Variants in PCDH11X observed in about 807,000 individuals in gnomAD.
PCDH11X encodes the protein protocadherin-11 X-linked.
In PCDH11X, 18 loss-of-function variants were observed where a neutral mutation model predicts 53.3. That is an observed-to-expected ratio of 0.34 (90% CI 0.23 to 0.50). PCDH11X has a LOEUF of 0.50. Ranked by LOEUF, PCDH11X falls within the 20% of genes least tolerant of loss-of-function variation. The probability of loss-of-function intolerance (pLI) is 0.98; values close to 1 mark genes in which losing one functional copy is unlikely to be tolerated. For missense variants in PCDH11X, 570 were observed against 1,032.4 expected, an observed-to-expected ratio of 0.55 and a Z score of 6.14; for synonymous variants, 279 against 393.3, an observed-to-expected ratio of 0.71 and a Z score of 3.44.
chrX:92,399,187 C>T (rs189211248), intron 9 of PCDH11X, among the ~76,000 whole-genome samples: 38,704 of 81,795 alleles, frequency 0.47, 6,419 homozygotes, highest in Non-Finnish European at 0.57. Flanking sequence ...AGCCAGACTC[C>T]GTGTCAAAAA....
intron 6 of PCDH11X, among the ~76,000 whole-genome samples, chrX:92,053,848 C>A (rs1174641555): frequency 2.7e-5 from 3 of 111,644 alleles, no homozygotes; most frequent in African/African-American, 6.5e-5. Context: ...GGATTGTAGG[C>A]GTGAGCCACT....
intron 6 of PCDH11X, among the ~76,000 whole-genome samples, chrX:91,936,064 G>A (rs1294700311): frequency 9.7e-6 from 1 of 103,493 alleles, no homozygotes; most frequent in Non-Finnish European, 2.0e-5. Flanking sequence ...ACACCCACTT[G>A]CCATAATGGG....
intron 1 of PCDH11X, among the ~76,000 whole-genome samples, chrX:91,781,957 C>G (rs774528646): frequency 1.9e-3 from 212 of 112,020 alleles, no homozygotes; most frequent in African/African-American, 6.2e-3. Flanking sequence ...GGCGAGGGAG[C>G]GCCTTTGCCT....
At chrX:92,163,485 G>A (rs2065678231) in intron 6 of PCDH11X, among the ~76,000 whole-genome samples, 1 of 110,483 alleles carries the variant, frequency 9.1e-6, no homozygotes, top group Non-Finnish European at 1.9e-5. Context: ...GCTACCCTGG[G>A]GACCCAGAGA....
chrX:92,457,772 A>G (rs1182427292), intron 9 of PCDH11X, among the ~76,000 whole-genome samples: 2 of 109,843 alleles, frequency 1.8e-5, no homozygotes, highest in African/African-American at 6.6e-5. Flanking sequence ...TTAAAGTGAA[A>G]GTAATAGAAC....
intron 1 of PCDH11X, among the ~76,000 whole-genome samples, chrX:91,800,552 T>G: frequency 9.1e-6 from 1 of 109,291 alleles, no homozygotes. Context: ...GGATATTTTT[T>G]CTTAGCGTTT....
chrX:92,222,509 G>T (rs1039117744), intron 7 of PCDH11X, among the ~76,000 whole-genome samples: 2 of 111,571 alleles, frequency 1.8e-5, no homozygotes, highest in Admixed American at 9.6e-5. Flanking sequence ...TCTCCCTACA[G>T]TTGTTGGCTC....
chrX:91,920,298 T>C (rs146210237), intron 6 of PCDH11X, among the ~76,000 whole-genome samples: 1 of 110,662 alleles, frequency 9.0e-6, no homozygotes, highest in African/African-American at 3.3e-5. Flanking sequence ...GGACCATTTA[T>C]AGATGTTCTG....
At chrX:92,328,565 G>T (rs1187438160) in intron 8 of PCDH11X, among the ~76,000 whole-genome samples, 1 of 110,376 alleles carries the variant, frequency 9.1e-6, no homozygotes, top group African/African-American at 3.3e-5. Context: ...AAACTGATAA[G>T]ATTTAAAAAG....
chrX:92,274,523 G>A (rs141303896), intron 8 of PCDH11X, among the ~76,000 whole-genome samples: 1,671 of 111,110 alleles, frequency 0.015, 30 homozygotes, highest in African/African-American at 0.052. Context: ...CAGTGAAAGT[G>A]TCTACCTAGA....
At chrX:92,578,575 C>A (rs1450734023) in intron 10 of PCDH11X, among the ~76,000 whole-genome samples, 1 of 107,998 alleles carries the variant, frequency 9.3e-6, no homozygotes. Context: ...GCAACCCCTG[C>A]TTTTTTCTGC....
intron 10 of PCDH11X, among the ~76,000 whole-genome samples, chrX:92,521,049 G>A (rs865878912): frequency 2.0e-4 from 22 of 110,611 alleles, no homozygotes; most frequent in Admixed American, 1.2e-3. Flanking sequence ...TGTCCATGAG[G>A]GTTGGAATAA....
chrX:92,085,268 A>G (rs2063930728), intron 6 of PCDH11X, among the ~76,000 whole-genome samples: 1 of 110,493 alleles, frequency 9.1e-6, no homozygotes, highest in Admixed American at 9.7e-5. Flanking sequence ...ATTGGGTTTC[A>G]GTTGGTTTAT....
intron 7 of PCDH11X, among the ~76,000 whole-genome samples, chrX:92,228,836 C>T (rs1488837250): frequency 9.0e-6 from 1 of 111,688 alleles, no homozygotes; most frequent in South Asian, 3.7e-4. Flanking sequence ...CCCTTTTTCT[C>T]CCACTGAAAA....
intron 10 of PCDH11X, among the ~76,000 whole-genome samples, chrX:92,615,698 C>T (rs1330110969): frequency 9.0e-6 from 1 of 110,936 alleles, no homozygotes; most frequent in East Asian, 2.9e-4. Flanking sequence ...TTAAAAATGG[C>T]ATCCTGCTGT....
chrX:91,922,686 C>T (rs1602498986), intron 6 of PCDH11X, among the ~76,000 whole-genome samples: 1 of 112,129 alleles, frequency 8.9e-6, no homozygotes, highest in African/African-American at 3.2e-5. Context: ...TAATCTAATG[C>T]CTGACTATCT....
chrX:92,482,950 A>G (rs951673990), intron 10 of PCDH11X, among the ~76,000 whole-genome samples: 4 of 110,504 alleles, frequency 3.6e-5, no homozygotes, highest in African/African-American at 1.3e-4. Context: ...ATTGTGTCTA[A>G]CTTAAGTATC....
intron 9 of PCDH11X, among the ~76,000 whole-genome samples, chrX:92,424,310 T>A (rs1261582417): frequency 2.1e-5 from 2 of 95,905 alleles, no homozygotes; most frequent in African/African-American, 6.7e-5. Context: ...TTTCTTTATT[T>A]GTTTAACCGG....
rs780847330 is a variant in PCDH11X, at chrX:91,954,381, C to T, written c.3033+75108C>T. On this transcript the variant is annotated intron_variant, in intron 6 of 10. Transcript: ENST00000682573. ...TCATTGATGGGCATTTGGGTTGATT[C>T]CATGTCTTTGGTATTGTGAATAGTG... Among the ~76,000 whole-genome samples, 162 of 111,314 alleles carry T rather than the reference C, an allele frequency of 1.5e-3. 3 individuals are homozygous for T. In the Admixed American group the frequency reaches 0.016, roughly 11 times the overall value.
Sources: allele counts gnomAD v4.1 joint callset (sites outside exome capture counted in the v4.1 genomes callset), GRCh38; gene constraint gnomAD v4.1.1; transcripts MANE v1.5; gene names NCBI Gene and HGNC (gene_info 2026-07-23, HGNC 2026-07-21).